Variants in VWA5A observed in about 807,000 individuals in gnomAD.
VWA5A encodes von Willebrand factor A domain-containing protein 5A.
VWA5A carries 77 observed loss-of-function variants against 84.6 expected under a neutral mutation model. That is an observed-to-expected ratio of 0.91 (90% CI 0.76 to 1.10). VWA5A has a LOEUF of 1.10. Among genes scored for constraint, VWA5A ranks in the 50% least tolerant of loss-of-function variants. The pLI is 0.00. For missense variants in VWA5A, 973 were observed against 963.0 expected, an observed-to-expected ratio of 1.01 and a Z score of -0.14; for synonymous variants, 334 against 350.1, an observed-to-expected ratio of 0.95 and a Z score of 0.51.
chr11:124,119,277 G>T (rs75600612), intron 7 of VWA5A, among the ~76,000 whole-genome samples, 188 bp downstream of exon 7: 2,886 of 152,282 alleles, frequency 0.019, 77 homozygotes, highest in African/African-American at 0.066. Context: ...ATGTCTTGTA[G>T]GCAAATTTAA....
intron 7 of VWA5A, among the ~76,000 whole-genome samples, chr11:124,121,556 C>T (rs1864932459): frequency 6.6e-6 from 1 of 151,994 alleles, no homozygotes; most frequent in Non-Finnish European, 1.5e-5. Flanking sequence ...AATTCTTCTT[C>T]TTATATGACC....
chr11:124,123,620 A>G, intron 9 of VWA5A, 40 bp from the exon 10 acceptor site: 3 of 1,614,012 alleles, frequency 1.9e-6, no homozygotes, highest in Middle Eastern at 1.6e-4. Flanking sequence ...GGGCAAGGTT[A>G]AGTAACCCTC....
chr11:124,123,554 G>C, intron 9 of VWA5A, 100 bp downstream of exon 9: 1 of 1,607,070 alleles, frequency 6.2e-7, no homozygotes, highest in Non-Finnish European at 8.5e-7. Context: ...TGGCATTGGG[G>C]GTTTCGGATA....
At position 124,123,381 on chromosome 11, in the gene VWA5A, C is replaced by G. The variant is rs766074408; in HGVS notation, c.946C>G (p.Leu316Val). The G allele has an allele frequency of 6.2e-7, 1 of 1,613,730 alleles. No individual in the cohort carries two copies. The highest frequency in any genetic ancestry group is 8.5e-7 in the Non-Finnish European group (1 of 1,179,920). The change falls in exon 9 of 19, where the codon CTG becomes GTG. Residue 316 changes from leucine (L) to valine (V), a missense_variant. Transcript: ENST00000456829. ...IQAAKETLIL[L>V]LKSLPIGCYF... ...TTACCTTCAGGAAACACTGATTTTG[C>G]TGCTGAAGAGTTTACCTATAGGCTG... is the stretch of plus-strand genomic sequence containing the variant.
chr11:124,142,382 T>G, intron 16 of VWA5A, 60 bp from the exon 17 acceptor site: 1 of 1,583,726 alleles, frequency 6.3e-7, no homozygotes, highest in East Asian at 2.2e-5. Flanking sequence ...TAAATTCAAG[T>G]GTGCTGAGGT....
chr11:124,119,144 A>G, intron 7 of VWA5A, 55 bp downstream of exon 7: 1 of 1,470,042 alleles, frequency 6.8e-7, no homozygotes, highest in Non-Finnish European at 9.4e-7. Context: ...CCTGTCTTGG[A>G]ATTACTGTCG....
chr11:124,127,185 G>A (rs762828824), intron 11 of VWA5A, among the ~76,000 whole-genome samples: 8 of 149,162 alleles, frequency 5.4e-5, no homozygotes, highest in Non-Finnish European at 1.2e-4. Flanking sequence ...CCCCCTGACA[G>A]GCCCCAGTGA....
At chr11:124,125,745 G>C (rs1865010068) in intron 11 of VWA5A, among the ~76,000 whole-genome samples, 1 of 152,086 alleles carries the variant, frequency 6.6e-6, no homozygotes, top group Non-Finnish European at 1.5e-5. Context: ...GATCTATATA[G>C]TTCATTCTGT....
At chr11:124,139,225 TTGTGTGTGTGTGTGTG>T (rs113893702) in intron 15 of VWA5A, among the ~76,000 whole-genome samples, 5 of 147,434 alleles carry the variant, frequency 3.4e-5, no homozygotes, top group Admixed American at 3.4e-4. Context: ...AGCATTTTGT[TTGTGTGTGTGTGTGTG>T]TGTGTGTGTG....
At chr11:124,142,692 T>A (rs148516409) in intron 17 of VWA5A, 120 bp downstream of exon 17, 1 of 1,344,372 alleles carries the variant, frequency 7.4e-7, no homozygotes, top group East Asian at 2.3e-5. Context: ...ACTAAATTAA[T>A]TTGTAATAAA....
At chr11:124,140,386 G>A (rs1013084592) in intron 15 of VWA5A, among the ~76,000 whole-genome samples, 7 of 152,050 alleles carry the variant, frequency 4.6e-5, no homozygotes, top group Non-Finnish European at 8.8e-5. Context: ...GTCCAGATGA[G>A]GTCAAAGATC....
Position 124,119,085 on chromosome 11 carries a change from G to A in VWA5A, c.756G>A (p.Lys252=), listed in dbSNP as rs1477632932. 8.7e-6 allele frequency: 14 copies of A among 1,613,688 alleles called. No individual in the cohort carries two copies. The Admixed American group carries it at 2.2e-4, about 25-fold the overall frequency. ...TGGAGATGGGGATGCCTAACATGAA[G>A]CCAGGTATTTTCTTTCTTCCTTTGT... ...VVLEMGMPNM[K]PGHLMGDPSA... Residue 252 remains lysine (K), a synonymous_variant, in exon 7 of 19, where the codon AAG becomes AAA. Transcript: ENST00000456829.
In VWA5A at chr11:124,141,726, G is replaced by A. The variant is rs1339780175; in HGVS notation, c.2008G>A (p.Asp670Asn). The A allele has an allele frequency of 6.2e-7, 1 of 1,613,958 alleles. No homozygotes were observed. The highest frequency in any genetic ancestry group is 1.3e-5 in the African/African-American group (1 of 74,888). The stretch of plus-strand genomic sequence containing the variant: ...TCTCTGTGGGTTGATAAGTCACAAG[G>A]ACCAGCACAGTCCAGGTGAGTACCT... ...YSLCGLISHK[D>N]QHSPGFGENH... Residue 670 changes from aspartate to asparagine, a missense_variant, in exon 16 of 19, where the codon GAC (aspartate) becomes AAC (asparagine). Transcript: ENST00000456829.
intron 2 of VWA5A, 103 bp downstream of exon 2, chr11:124,116,783 A>C (rs1864837853): frequency 6.6e-6 from 1 of 152,202 alleles, no homozygotes; most frequent in South Asian, 2.1e-4. Context: ...GGGGGTGCAA[A>C]TGTAGGCTAT....
intron 11 of VWA5A, among the ~76,000 whole-genome samples, chr11:124,127,266 G>T (rs994787991): frequency 3.3e-5 from 5 of 151,916 alleles, no homozygotes; most frequent in Non-Finnish European, 7.4e-5. Flanking sequence ...AACATGCAGT[G>T]TTTGGTTTTC....
At chr11:124,120,581 C>G (rs1339880383) in intron 7 of VWA5A, among the ~76,000 whole-genome samples, 1 of 152,140 alleles carries the variant, frequency 6.6e-6, no homozygotes, top group Non-Finnish European at 1.5e-5. Context: ...TTAGTTTTCC[C>G]TCACTTGTTC....
chr11:124,129,910 T>C (rs1445548269), intron 11 of VWA5A, among the ~76,000 whole-genome samples: 1 of 152,200 alleles, frequency 6.6e-6, no homozygotes, highest in East Asian at 1.9e-4. Flanking sequence ...TCTATTTTGT[T>C]AATCTTTTCA....
chr11:124,145,196 G>T, intron 17 of VWA5A, 41 bp from the exon 18 acceptor site: 1 of 1,576,214 alleles, frequency 6.3e-7, no homozygotes. Context: ...TCCTTTTGAG[G>T]GACTTCCTGT....
intron 15 of VWA5A, among the ~76,000 whole-genome samples, chr11:124,141,066 A>G (rs1417603356): frequency 1.3e-5 from 2 of 152,206 alleles, no homozygotes; most frequent in African/African-American, 4.8e-5. Flanking sequence ...AGATGATGGT[A>G]GGCCTTTTAA....
Sources: allele counts gnomAD v4.1 joint callset (sites outside exome capture counted in the v4.1 genomes callset), GRCh38; gene constraint gnomAD v4.1.1; transcripts MANE v1.5; gene names NCBI Gene and HGNC (gene_info 2026-07-23, HGNC 2026-07-21).